Variants in LRP1B observed in about 807,000 individuals in gnomAD.
LRP1B encodes low-density lipoprotein receptor-related protein 1B.
A neutral mutation model predicts 556.6 loss-of-function variants in LRP1B; 217 were observed. The observed-to-expected ratio is 0.39, with a 90% CI of 0.35 to 0.44. LRP1B has a LOEUF of 0.44. Ranked by LOEUF, LRP1B falls within the 20% of genes least tolerant of loss-of-function variation. LRP1B has a pLI of 1.00. For synonymous variants in LRP1B, 2,047 were observed against 1,865.8 expected, an observed-to-expected ratio of 1.10 and a Z score of -2.50; for missense variants, 5,053 against 5,620.8, an observed-to-expected ratio of 0.90 and a Z score of 3.23.
chr2:141,938,758 A>ATG (rs70994468), intron 1 of LRP1B, among the ~76,000 whole-genome samples: 1 of 151,576 alleles, frequency 6.6e-6, no homozygotes, highest in South Asian at 2.1e-4. Flanking sequence ...CTCTCCATAT[A>ATG]TGTGTGTGTG....
intron 43 of LRP1B, among the ~76,000 whole-genome samples, chr2:140,591,628 G>A (rs1054712032): frequency 6.6e-6 from 1 of 152,108 alleles, no homozygotes; most frequent in Non-Finnish European, 1.5e-5. Flanking sequence ...ATAGTCTAGT[G>A]GTAAAGAACC....
At chr2:141,797,805 G>A (rs892813857) in intron 2 of LRP1B, among the ~76,000 whole-genome samples, 9 of 152,016 alleles carry the variant, frequency 5.9e-5, no homozygotes, top group African/African-American at 1.7e-4. Flanking sequence ...CATAACTTAC[G>A]GCATATTATT....
At chr2:141,999,685 CT>C (rs35534097) in intron 1 of LRP1B, among the ~76,000 whole-genome samples, 29,014 of 151,672 alleles carry the variant, frequency 0.19, 3,177 homozygotes, top group South Asian at 0.29. Context: ...AATATGAATA[CT>C]TTTTTTCTCA....
At chr2:141,451,285 T>C (rs1332669474) in intron 3 of LRP1B, among the ~76,000 whole-genome samples, 1 of 152,204 alleles carries the variant, frequency 6.6e-6, no homozygotes, top group Non-Finnish European at 1.5e-5. Context: ...ATAATTTGTA[T>C]CCATCCAATG....
At position 140,506,935 on chromosome 2, in the gene LRP1B, A is replaced by C; in HGVS notation, c.8399-17T>G. On this transcript the variant is annotated splice_polypyrimidine_tract_variant and intron_variant, in intron 52 of 90. Transcript: ENST00000389484. ...TATTGGGAGCTAAGAAAGGCATCAC[A>C]AAAAATAAAGTTAGATGAGCACATA... 1 of 1,612,520 alleles carries C rather than the reference A, an allele frequency of 6.2e-7. No individual in the cohort carries two copies. The highest frequency in any genetic ancestry group is 2.2e-5 in the East Asian group (1 of 44,808).
chr2:142,028,411 C>A (rs1378159912), intron 1 of LRP1B, among the ~76,000 whole-genome samples: 1 of 151,948 alleles, frequency 6.6e-6, no homozygotes, highest in East Asian at 1.9e-4. Context: ...TCTAGAATGT[C>A]ATACAAATAG....
chr2:140,557,062 A>G (rs1005145095), intron 43 of LRP1B, among the ~76,000 whole-genome samples: 16 of 152,250 alleles, frequency 1.1e-4, no homozygotes, highest in African/African-American at 3.6e-4. Flanking sequence ...TTGCATTTTC[A>G]TATACACATC....
intron 3 of LRP1B, among the ~76,000 whole-genome samples, chr2:141,312,424 T>C (rs1686847729): frequency 6.6e-6 from 1 of 152,228 alleles, no homozygotes; most frequent in Non-Finnish European, 1.5e-5. Flanking sequence ...ATACGAAATA[T>C]GTGTTAATTT....
At chr2:142,032,832 A>G (rs16847958) in intron 1 of LRP1B, among the ~76,000 whole-genome samples, 59,626 of 151,552 alleles carry the variant, frequency 0.39, 13,783 homozygotes, top group Non-Finnish European at 0.5. Flanking sequence ...CCGAAGACCA[A>G]AGATATCATT....
intron 84 of LRP1B, among the ~76,000 whole-genome samples, chr2:140,295,760 C>A (rs1048701664): frequency 8.6e-5 from 13 of 151,794 alleles, no homozygotes; most frequent in African/African-American, 2.7e-4. Context: ...AAAGGAATTA[C>A]AAGTGTCCTT....
chr2:141,085,943 T>C (rs1223046346), intron 7 of LRP1B, among the ~76,000 whole-genome samples: 2 of 152,214 alleles, frequency 1.3e-5, no homozygotes, highest in Non-Finnish European at 2.9e-5. Context: ...CCCAAGGATA[T>C]AGAATTGTCT....
Position 140,372,991 on chromosome 2 carries a change from T to A in LRP1B, c.10768+17A>T, listed in dbSNP as rs760943891. 1 of 1,612,008 alleles carries A rather than the reference T, an allele frequency of 6.2e-7. No homozygotes were observed. The highest frequency in any genetic ancestry group is 1.1e-5 in the South Asian group (1 of 90,812). On this transcript the variant is annotated intron_variant, in intron 69 of 90. Transcript: ENST00000389484. ...GTAAAATGTTAACTAAATGATATAT[T>A]ACTTCAATCCTTTTACCTGGCTCAC...
chr2:140,610,510 G>A (rs1462462891), intron 41 of LRP1B, among the ~76,000 whole-genome samples: 2 of 152,204 alleles, frequency 1.3e-5, no homozygotes, highest in African/African-American at 4.8e-5. Flanking sequence ...TCAGCTAATA[G>A]CTTTGAATCC....
chr2:140,390,388 T>C (rs1244592358), intron 66 of LRP1B, among the ~76,000 whole-genome samples: 1 of 152,062 alleles, frequency 6.6e-6, no homozygotes, highest in Non-Finnish European at 1.5e-5. Flanking sequence ...CAAATATTGC[T>C]AAAACAAGTG....
intron 25 of LRP1B, among the ~76,000 whole-genome samples, chr2:140,876,390 C>A (rs901949787): frequency 1.3e-5 from 2 of 152,050 alleles, no homozygotes; most frequent in African/African-American, 4.8e-5. Flanking sequence ...TAGCTTATGG[C>A]AATACAGTTA....
chr2:140,318,233 G>A (rs1684615089), intron 82 of LRP1B, among the ~76,000 whole-genome samples: 1 of 152,058 alleles, frequency 6.6e-6, no homozygotes, highest in African/African-American at 2.4e-5. Context: ...ACTCATTTAT[G>A]TTCCAACTAA....
intron 1 of LRP1B, among the ~76,000 whole-genome samples, chr2:142,040,302 T>G (rs1045557911): frequency 6.6e-6 from 1 of 151,460 alleles, no homozygotes; most frequent in Non-Finnish European, 1.5e-5. Context: ...GTTTCCAGTC[T>G]TCTATAGCAT....
intron 2 of LRP1B, among the ~76,000 whole-genome samples, chr2:141,578,064 GA>G (rs1226479372): frequency 2.0e-5 from 3 of 152,112 alleles, no homozygotes; most frequent in Admixed American, 6.5e-5. Flanking sequence ...ATAAACGGGG[GA>G]AAAAATAGAT....
intron 9 of LRP1B, among the ~76,000 whole-genome samples, chr2:141,057,054 T>C (rs1329950426): frequency 6.6e-6 from 1 of 151,816 alleles, no homozygotes; most frequent in African/African-American, 2.4e-5. Context: ...TGAATTTCAC[T>C]ACTTCTTACC....
Sources: gnomAD v4.1 joint callset for allele counts (sites outside exome capture counted in the v4.1 genomes callset) on GRCh38, gnomAD v4.1.1 for gene constraint, MANE v1.5 for transcripts, NCBI Gene and HGNC (gene_info 2026-07-23, HGNC 2026-07-21) for gene names.